Variants in PMPCA observed in about 807,000 individuals in gnomAD.
PMPCA encodes mitochondrial-processing peptidase subunit alpha.
In PMPCA, 47 loss-of-function variants were observed where a neutral mutation model predicts 59.3. That is an observed-to-expected ratio of 0.79 (90% CI 0.63 to 1.01). PMPCA has a LOEUF of 1.01. PMPCA is among the 50% of genes least tolerant of loss of function. The pLI, the probability that PMPCA is intolerant of heterozygous loss-of-function variation, is 0.00. For missense variants in PMPCA, 726 were observed against 704.5 expected (o/e 1.03, Z -0.34); for synonymous variants, 338 against 290.3 (o/e 1.16, Z -1.67).
rs768405581 is a variant in PMPCA at position 136,423,276 on chromosome 9, G to A, written c.*12G>A. On this transcript the variant is annotated 3_prime_UTR_variant, in exon 13 of 13. Coordinates refer to ENST00000371717, the MANE Select transcript of PMPCA (RefSeq NM_015160.3). ...GGCTCTTCCGGTAGAACCGCTCCCCGGCCTGACAGACCCAGGGAGCTGCAG... is the reference window on the plus strand; with the variant it reads ...GGCTCTTCCGGTAGAACCGCTCCCCAGCCTGACAGACCCAGGGAGCTGCAG... 2.4e-5 allele frequency: 39 copies of A among 1,606,126 alleles called. No homozygotes were observed. Among genetic ancestry groups the A allele is most frequent in the East Asian group, 1.1e-4 (5 of 44,742 alleles).
chr9:136,413,906 G>T (rs573696645), intron 4 of PMPCA, among the ~76,000 whole-genome samples: 3 of 152,212 alleles, frequency 2.0e-5, no homozygotes, highest in African/African-American at 7.2e-5. Context: ...CCTCTTCTTC[G>T]TGGCTGTTGC....
intron 12 of PMPCA, chr9:136,422,741 C>A: frequency 9.2e-7 from 1 of 1,087,514 alleles, no homozygotes; most frequent in Non-Finnish European, 1.1e-6. Flanking sequence ...TCTCTCACCC[C>A]ACCCTTCTGT....
intron 6 of PMPCA, 186 bp downstream of exon 6, chr9:136,416,577 G>T: frequency 3.1e-6 from 2 of 653,058 alleles, no homozygotes. Flanking sequence ...CCTGGGCTCA[G>T]CTCAGGTGAT....
At chr9:136,411,902 T>A (rs949687013) in intron 1 of PMPCA, 95 bp from the exon 2 acceptor site, 2 of 757,572 alleles carry the variant, frequency 2.6e-6, no homozygotes, top group Non-Finnish European at 4.7e-6. Context: ...ATGCTCACTT[T>A]TAACCCAGAC....
In PMPCA at chr9:136,418,028, C is replaced by T. The variant is rs753330776; in HGVS notation, c.909C>T (p.Asp303=). 1.6e-5 allele frequency: 25 copies of T among 1,612,546 alleles called. No homozygotes were observed. Among genetic ancestry groups the T allele is most frequent in the Non-Finnish European group, 1.9e-5 (22 of 1,178,614 alleles). The change falls in exon 8 of 13, where the codon GAC becomes GAT. Residue 303 remains aspartate, a synonymous_variant. Coordinates refer to ENST00000371717, the MANE Select transcript of PMPCA (RefSeq NM_015160.3). ...YTGGIAKLER[D]MSNVSLGPTP... ...TTTCTTGGTTACAGCTAGAAAGAGA[C>T]ATGTCCAATGTCAGCCTGGGCCCGA...
chr9:136,417,277 AC>A (rs1835309796), intron 7 of PMPCA, 63 bp downstream of exon 7: 1 of 1,417,852 alleles, frequency 7.1e-7, no homozygotes, highest in Non-Finnish European at 9.5e-7. Flanking sequence ...CCGTGGTGTG[AC>A]CTGTTTTTGT....
In PMPCA at chr9:136,423,083, C is replaced by T. The variant is rs1344764116; in HGVS notation, c.1409-12C>T. On this transcript the variant is annotated splice_polypyrimidine_tract_variant and intron_variant, in intron 12 of 12. Coordinates refer to ENST00000371717, the MANE Select transcript of PMPCA (RefSeq NM_015160.3). ...GCGCGCTCGTGTGACACGCGTTTGCCCTCTGCACTAGGCAACGTGAAGCCG... is the reference window on the plus strand; with the variant it reads ...GCGCGCTCGTGTGACACGCGTTTGCTCTCTGCACTAGGCAACGTGAAGCCG... 1.9e-6 allele frequency: 3 copies of T among 1,608,554 alleles called. No individual in the cohort carries two copies. Among genetic ancestry groups the T allele is most frequent in the African/African-American group, 2.7e-5 (2 of 74,908 alleles).
Position 136,417,227 on chromosome 9 carries a change from G to T in PMPCA, c.897+13G>T. On this transcript the variant is annotated intron_variant, in intron 7 of 12. Coordinates refer to ENST00000371717, the MANE Select transcript of PMPCA (RefSeq NM_015160.3). ...GGGGATTGCCAAGGTGAAGTAGCGG[G>T]AACGTCTCATGGCCTCGGGTGGGGA... The T allele has an allele frequency of 6.4e-7, 1 of 1,557,794 alleles. No individual in the cohort carries two copies.
In PMPCA at chr9:136,423,554, A is replaced by G. The variant is rs1482448328; in HGVS notation, c.*290A>G. ...GTGCTTCCCTCCTCGGGCTGTGGGC[A>G]CATGGGGCCCCGCAGGTTCCTTGGA... On this transcript the variant is annotated 3_prime_UTR_variant, in exon 13 of 13. Coordinates refer to ENST00000371717, the MANE Select transcript of PMPCA (RefSeq NM_015160.3). 1.1e-5 allele frequency: 4 copies of G among 365,620 alleles called. No individual in the cohort carries two copies. Among genetic ancestry groups the G allele is most frequent in the Non-Finnish European group, 2.0e-5 (4 of 195,406 alleles). The allele number at this position is 365,620 out of a possible 1,614,324, so 22.6% of individuals were successfully genotyped here.
intron 12 of PMPCA, chr9:136,422,797 A>G: frequency 1.7e-6 from 2 of 1,190,156 alleles, no homozygotes; most frequent in African/African-American, 1.5e-5. Context: ...AGGCCGTCCT[A>G]AAGTGAGTTC....
intron 11 of PMPCA, chr9:136,420,200 C>T (rs1835410901): frequency 8.0e-6 from 1 of 125,688 alleles, no homozygotes; most frequent in Non-Finnish European, 1.6e-5. Context: ...CGGAGTCCTG[C>T]TCTGTTGCCC....
At chr9:136,414,889 C>A (rs538312765) in intron 5 of PMPCA, among the ~76,000 whole-genome samples, 1 of 152,262 alleles carries the variant, frequency 6.6e-6, no homozygotes, top group East Asian at 1.9e-4. Context: ...AGTTTGAGAC[C>A]AGCCTGGGCA....
intron 6 of PMPCA, 100 bp downstream of exon 6, chr9:136,416,491 G>A (rs775344461): frequency 1.2e-6 from 1 of 835,548 alleles, no homozygotes; most frequent in East Asian, 2.5e-5. Context: ...GTCCTTGCAG[G>A]TTATGGATAT....
At position 136,421,887 on chromosome 9, in the gene PMPCA, A is replaced by AATCC. The variant is rs953296782; in HGVS notation, c.1321_1324dup (p.Arg442IlefsTer43). ...ACATCAATGCTCATGATGAACCTGGAATCCAGGCCTGTGATCTTCGAGGAT... is the reference window on the plus strand; with the variant it reads ...ACATCAATGCTCATGATGAACCTGGAATCCATCCAGGCCTGTGATCTTCGAGGAT... On this transcript the variant is annotated frameshift_variant, in exon 12 of 13. Coordinates refer to ENST00000371717, the MANE Select transcript of PMPCA (RefSeq NM_015160.3). LOFTEE classifies it high-confidence loss of function. The AATCC allele has an allele frequency of 1.2e-6, 2 of 1,610,892 alleles. No individual in the cohort carries two copies. The highest frequency in any genetic ancestry group is 1.7e-6 in the Non-Finnish European group (2 of 1,179,082).
In PMPCA at chr9:136,412,846, C is replaced by A; in HGVS notation, c.391C>A (p.Leu131Ile). 6.2e-7 allele frequency: 1 copy of A among 1,609,888 alleles called. No homozygotes were observed. Among genetic ancestry groups the A allele is most frequent in the Non-Finnish European group, 8.5e-7 (1 of 1,176,188 alleles). Residue 131 changes from leucine to isoleucine, a missense_variant, in exon 4 of 13, where the codon CTT becomes ATT. By Grantham distance (5) the Leu-to-Ile change is conservative. Transcript: ENST00000371717. The part of the protein sequence containing the change: ...ARFDSKDEIL[L>I]TLEKHGGICD... Reference sequence around the variant, plus strand: ...ATTTGACAGCAAAGATGAAATTCTGCTTACGTTGGAAAAGCATGGGGGTAT... The same window carrying A: ...ATTTGACAGCAAAGATGAAATTCTGATTACGTTGGAAAAGCATGGGGGTAT...
intron 11 of PMPCA, chr9:136,419,367 A>C: frequency 1.8e-6 from 1 of 567,740 alleles, no homozygotes; most frequent in Non-Finnish European, 3.2e-6. Flanking sequence ...TGCTCGGTCC[A>C]CTACTTCTTT....
chr9:136,423,255 C>T lies in PMPCA; in HGVS notation c.1569C>T (p.Leu523=), dbSNP rs529250992. Residue 523 remains leucine, a synonymous_variant, in exon 13 of 13, where the codon CTC becomes CTT. Coordinates refer to ENST00000371717, the MANE Select transcript of PMPCA (RefSeq NM_015160.3). Reference sequence around the variant, plus strand: ...GGCGCCTGCCCAGGACGTACCGGCTCTTCCGGTAGAACCGCTCCCCGGCCT... The same window carrying T: ...GGCGCCTGCCCAGGACGTACCGGCTTTTCCGGTAGAACCGCTCCCCGGCCT... ...KDGRLPRTYR[L]FR is the part of the protein sequence containing the mutation. The T allele has an allele frequency of 6.8e-6, 11 of 1,611,934 alleles. No individual in the cohort carries two copies. Among genetic ancestry groups the T allele is most frequent in the Admixed American group, 3.3e-5 (2 of 59,968 alleles).
rs781223926 is a variant in PMPCA, at chr9:136,418,716, G to C, written c.1109+43G>C. 3.3e-6 allele frequency: 5 copies of C among 1,523,946 alleles called. No individual in the cohort carries two copies. The African/African-American group carries it at 6.8e-5, about 21-fold the overall frequency. The allele number at this position is 1,523,946 out of a possible 1,614,324, so 94.4% of individuals were successfully genotyped here. A position where few individuals can be genotyped will look rare whatever the true frequency, so the allele number is the denominator to read the frequency against. ...CTGTATCCTCAGGCCACCAGGCCAG[G>C]CCAGGTGTGTTTTTGGACCATGAGG... On this transcript the variant is annotated intron_variant, in intron 9 of 12. Transcript: ENST00000371717.
At chr9:136,410,877 C>A in intron 1 of PMPCA, 138 bp downstream of exon 1, 2 of 643,780 alleles carry the variant, frequency 3.1e-6, no homozygotes, top group Non-Finnish European at 4.5e-6. Context: ...GTCCCCGAGG[C>A]GACGGGGGCC....
Sources: gnomAD v4.1 joint callset for allele counts (sites outside exome capture counted in the v4.1 genomes callset) on GRCh38, gnomAD v4.1.1 for gene constraint, MANE v1.5 for transcripts, NCBI Gene and HGNC (gene_info 2026-07-23, HGNC 2026-07-21) for gene names.